SRGAP3: variants seen among roughly 807,000 people sequenced by gnomAD.
The protein encoded by SRGAP3 is SLIT-ROBO Rho GTPase-activating protein 3.
A neutral mutation model predicts 121.1 loss-of-function variants in SRGAP3; 39 were observed. That is an observed-to-expected ratio of 0.32 (90% CI 0.25 to 0.42). The LOEUF is 0.42. Ranked by LOEUF, SRGAP3 falls within the 10% of genes least tolerant of loss-of-function variation. SRGAP3 has a pLI of 1.00. For synonymous variants in SRGAP3, 601 were observed against 570.0 expected, an observed-to-expected ratio of 1.05 and a Z score of -0.77; for missense variants, 1,213 against 1,470.6, an observed-to-expected ratio of 0.82 and a Z score of 2.86.
chr3:9,257,908 T>C (rs1954169466), intron 3 of SRGAP3, among the ~76,000 whole-genome samples: 1 of 152,096 alleles, frequency 6.6e-6, no homozygotes, highest in Non-Finnish European at 1.5e-5. Context: ...TTTCACCATC[T>C]TGGTGAGGCT....
chr3:9,354,287 G>C (rs937326014), intron 1 of SRGAP3, among the ~76,000 whole-genome samples: 1 of 152,186 alleles, frequency 6.6e-6, no homozygotes, highest in Admixed American at 6.5e-5. Context: ...AGCAGAAGTG[G>C]CTAACAGTCC....
At chr3:9,087,011 T>C (rs1947528490) in intron 3 of SRGAP3, among the ~76,000 whole-genome samples, 1 of 150,670 alleles carries the variant, frequency 6.6e-6, no homozygotes. Context: ...CATACAAGAG[T>C]AAATATACAT....
At chr3:9,054,821 T>C (rs1027696036) in intron 8 of SRGAP3, among the ~76,000 whole-genome samples, 2 of 152,244 alleles carry the variant, frequency 1.3e-5, no homozygotes, top group Admixed American at 1.3e-4. Context: ...GTTTGGCACA[T>C]AGTATGTGCT....
rs1308370420 is a variant in SRGAP3, at chr3:9,077,011, G to A, written c.486+3014C>T. 2.6e-5 allele frequency among the ~76,000 whole-genome samples: 4 copies of A among 152,026 alleles called. No individual in the cohort carries two copies. In the South Asian group the frequency reaches 8.3e-4, roughly 32 times the overall value. On this transcript the variant is annotated intron_variant, in intron 4 of 21. Transcript: ENST00000383836. ...AAATTCTAGGGTACATATGCACAAC[G>A]TGCAGGTTTGTTACGTAGGTATACA... is the stretch of plus-strand genomic sequence containing the variant.
At chr3:9,096,949 A>G (rs1414502489) in intron 3 of SRGAP3, among the ~76,000 whole-genome samples, 8 of 87,366 alleles carry the variant, frequency 9.2e-5, no homozygotes, top group South Asian at 3.2e-4. Context: ...ATATATATAT[A>G]TATATATATA....
intron 1 of SRGAP3, among the ~76,000 whole-genome samples, chr3:9,226,133 T>C (rs2700330): frequency 0.63 from 95,678 of 151,986 alleles, 30,478 homozygotes; most frequent in East Asian, 0.78. Context: ...CCCCGACCCC[T>C]ATCTCTGAGA....
At chr3:9,015,190 C>A (rs374603935) in intron 15 of SRGAP3, among the ~76,000 whole-genome samples, 3 of 152,152 alleles carry the variant, frequency 2.0e-5, no homozygotes, top group African/African-American at 7.2e-5. Flanking sequence ...AAGGTCTTCC[C>A]CCTTTTGCTC....
At chr3:9,058,132 A>G in intron 7 of SRGAP3, 119 bp downstream of exon 7, 1 of 1,069,726 alleles carries the variant, frequency 9.3e-7, no homozygotes, top group Non-Finnish European at 1.4e-6. Flanking sequence ...ATGAACCAGG[A>G]GCTTGACCCC....
intron 1 of SRGAP3, among the ~76,000 whole-genome samples, chr3:9,160,631 G>A (rs1414069492): frequency 6.6e-6 from 1 of 152,102 alleles, no homozygotes; most frequent in African/African-American, 2.4e-5. Flanking sequence ...CCTGATTCTT[G>A]ACCCATGGAA....
At chr3:9,362,510 T>C (rs1026951721) in intron 1 of SRGAP3, among the ~76,000 whole-genome samples, 1 of 150,534 alleles carries the variant, frequency 6.6e-6, no homozygotes, top group African/African-American at 2.4e-5. Flanking sequence ...TTGGGCACAG[T>C]GGCTCATGCC....
chr3:9,350,762 G>GA (rs781067839), intron 1 of SRGAP3, among the ~76,000 whole-genome samples: 25 of 152,022 alleles, frequency 1.6e-4, no homozygotes, highest in Admixed American at 1.1e-3. Flanking sequence ...TGGTGAAAGG[G>GA]AAAAAAAATC....
In SRGAP3 at chr3:8,984,493, AGATT is replaced by A. The variant is rs1399562421; in HGVS notation, c.*1022_*1025del. The stretch of plus-strand genomic sequence containing the variant: ...TAAGTTAAACCTCTATAGTTACCAC[AGATT>A]TATTCCTACAGCATTTCTAGGTTTT... On this transcript the variant is annotated 3_prime_UTR_variant, in exon 22 of 22. Transcript: ENST00000383836. 8 of 232,510 alleles carry A rather than the reference AGATT, an allele frequency of 3.4e-5. No individual in the cohort carries two copies. Among genetic ancestry groups the A allele is most frequent in the Non-Finnish European group, 5.1e-5 (6 of 117,608 alleles). 14.4% of individuals were successfully genotyped at this position (232,510 alleles called of 1,614,324 possible). A position where few individuals can be genotyped will look rare whatever the true frequency, so the allele number is the denominator to read the frequency against.
chr3:9,135,861 C>T (rs1176139022), intron 1 of SRGAP3, among the ~76,000 whole-genome samples: 1 of 152,196 alleles, frequency 6.6e-6, no homozygotes, highest in Non-Finnish European at 1.5e-5. Context: ...GTGGCTTCAG[C>T]CTGGTCTCTG....
chr3:9,265,834 T>A (rs1052024798), intron 3 of SRGAP3, among the ~76,000 whole-genome samples: 4 of 152,048 alleles, frequency 2.6e-5, no homozygotes, highest in Non-Finnish European at 5.9e-5. Flanking sequence ...AGGATCTAGA[T>A]CCAGAAATAC....
At chr3:9,280,448 G>C (rs904223792) in intron 3 of SRGAP3, among the ~76,000 whole-genome samples, 6 of 152,172 alleles carry the variant, frequency 3.9e-5, no homozygotes, top group African/African-American at 1.4e-4. Flanking sequence ...TTCAGAGCTG[G>C]GGGGCAGGTT....
rs201107163 is a variant in SRGAP3 at position 9,249,268 on chromosome 3, T to C, written c.-317A>G. 1.0e-4 allele frequency: 48 copies of C among 469,256 alleles called. No individual in the cohort carries two copies. Among genetic ancestry groups the C allele is most frequent in the African/African-American group, 9.1e-4 (47 of 51,536 alleles). The allele number at this position is 469,256 out of a possible 1,614,324, so 29.1% of individuals were successfully genotyped here. On this transcript the variant is annotated 5_prime_UTR_variant, in exon 1 of 22. Transcript: ENST00000383836. Reference sequence around the variant, plus strand: ...CTTCCAAAAATAATAATAATAGTAATAACCAAGCGCACTCACACACACATG... The same window carrying C: ...CTTCCAAAAATAATAATAATAGTAACAACCAAGCGCACTCACACACACATG...
intron 1 of SRGAP3, among the ~76,000 whole-genome samples, chr3:9,176,466 T>C (rs1209365662): frequency 2.0e-5 from 3 of 152,220 alleles, no homozygotes; most frequent in Middle Eastern, 3.2e-3. Flanking sequence ...ACAGTGTTCC[T>C]CAGATTTATT....
chr3:9,310,303 T>C (rs919983414), intron 3 of SRGAP3, among the ~76,000 whole-genome samples: 7 of 152,136 alleles, frequency 4.6e-5, no homozygotes, highest in Non-Finnish European at 1.0e-4. Context: ...TGGATGCTTA[T>C]TGGTGCTTTT....
chr3:9,238,979 G>A (rs1953523312), intron 1 of SRGAP3, among the ~76,000 whole-genome samples: 1 of 152,176 alleles, frequency 6.6e-6, no homozygotes, highest in Non-Finnish European at 1.5e-5. Context: ...CACAACAGAT[G>A]TCCTCACAAG....
Sources: allele counts gnomAD v4.1 joint callset (sites outside exome capture counted in the v4.1 genomes callset), GRCh38; gene constraint gnomAD v4.1.1; transcripts MANE v1.5; gene names NCBI Gene and HGNC (gene_info 2026-07-23, HGNC 2026-07-21).